The following CHRAC1 variants were observed in gnomAD, a reference collection of about 807,000 sequenced individuals.
The protein encoded by CHRAC1 is chromatin accessibility complex subunit 1.
A neutral mutation model predicts 9.1 loss-of-function variants in CHRAC1; 6 were observed. That is an observed-to-expected ratio of 0.66 (90% CI 0.36 to 1.29). The LOEUF is 1.29. CHRAC1 is among the 50% of genes most tolerant of loss of function. CHRAC1 has a pLI of 0.03. For missense variants in CHRAC1, 168 were observed against 163.5 expected, an observed-to-expected ratio of 1.03 and a Z score of -0.15; for synonymous variants, 73 against 64.5, an observed-to-expected ratio of 1.13 and a Z score of -0.63.
intron 1 of CHRAC1, among the ~76,000 whole-genome samples, chr8:140,512,717 G>T (rs1296952254): frequency 6.6e-6 from 1 of 152,176 alleles, no homozygotes; most frequent in Non-Finnish European, 1.5e-5. Flanking sequence ...TTTTCCTAGA[G>T]CCCAGGGAAA....
chr8:140,513,369 A>G (rs533266158), intron 1 of CHRAC1, among the ~76,000 whole-genome samples: 6 of 152,380 alleles, frequency 3.9e-5, no homozygotes, highest in South Asian at 2.1e-4. Flanking sequence ...AGTGTATGCA[A>G]ATAGAAGACT....
At chr8:140,512,139 G>T in intron 1 of CHRAC1, 1 of 652,442 alleles carries the variant, frequency 1.5e-6, no homozygotes, top group Non-Finnish European at 2.3e-6. Context: ...GGCGCCTAGT[G>T]GCGCTCTTCT....
chr8:140,512,504 G>C (rs981753910), intron 1 of CHRAC1, among the ~76,000 whole-genome samples: 1 of 152,164 alleles, frequency 6.6e-6, no homozygotes, highest in Admixed American at 6.5e-5. Flanking sequence ...AAAAAATTGC[G>C]TCTCGATAGT....
chr8:140,511,726 C>T (rs2072277356), intron 1 of CHRAC1, 80 bp downstream of exon 1: 13 of 1,216,844 alleles, frequency 1.1e-5, no homozygotes, highest in East Asian at 6.6e-5. Context: ...TGCCCAGTCC[C>T]CTTAGGCCCG....
At position 140,511,475 on chromosome 8, in the gene CHRAC1, G is replaced by A. The variant is rs1245990144; in HGVS notation, c.-25G>A. The A allele has an allele frequency of 1.5e-6, 2 of 1,309,532 alleles. No homozygotes were observed. Among genetic ancestry groups the A allele is most frequent in the South Asian group, 2.1e-5 (1 of 46,560 alleles). 81.1% of individuals were successfully genotyped at this position (1,309,532 alleles called of 1,614,324 possible). On this transcript the variant is annotated 5_prime_UTR_variant, in exon 1 of 3. Coordinates refer to ENST00000220913, the MANE Select transcript of CHRAC1 (RefSeq NM_017444.6). The stretch of plus-strand genomic sequence containing the variant: ...CTTCGCGGTCGGGCCCGCCGGCTGC[G>A]GGCACCCGCGCGACGGGCGGGAAGA...
chr8:140,512,975 C>T (rs1312909439), intron 1 of CHRAC1, among the ~76,000 whole-genome samples: 3 of 152,134 alleles, frequency 2.0e-5, no homozygotes, highest in Admixed American at 1.3e-4. Flanking sequence ...TGCCATCACA[C>T]TCGGCTAATT....
chr8:140,513,131 T>C (rs1177638465), intron 1 of CHRAC1, among the ~76,000 whole-genome samples: 1 of 152,154 alleles, frequency 6.6e-6, no homozygotes, highest in African/African-American at 2.4e-5. Flanking sequence ...TCATCCCTTA[T>C]TAACTGAACT....
Position 140,515,381 on chromosome 8 carries a change from A to T in CHRAC1, c.*134A>T. 1 of 951,008 alleles carries T rather than the reference A, an allele frequency of 1.1e-6. No individual in the cohort carries two copies. Among genetic ancestry groups the T allele is most frequent in the Non-Finnish European group, 1.6e-6 (1 of 638,740 alleles). The allele number at this position is 951,008 out of a possible 1,614,324, so 58.9% of individuals were successfully genotyped here. Reference sequence around the variant, plus strand: ...AGTTCCAGTGTGTGGTATTCTTTCGAGGTATTCTTTCCAGGCCGAGATTGA... The same window carrying T: ...AGTTCCAGTGTGTGGTATTCTTTCGTGGTATTCTTTCCAGGCCGAGATTGA... On this transcript the variant is annotated 3_prime_UTR_variant, in exon 3 of 3. Coordinates refer to ENST00000220913, the MANE Select transcript of CHRAC1 (RefSeq NM_017444.6).
At chr8:140,512,708 T>TTTCC (rs1348669714) in intron 1 of CHRAC1, among the ~76,000 whole-genome samples, 1 of 152,242 alleles carries the variant, frequency 6.6e-6, no homozygotes, top group African/African-American at 2.4e-5. Context: ...AGAGCCATGT[T>TTTCC]TTCCTAGAGC....
Position 140,515,263 on chromosome 8 carries a change from A to G in CHRAC1, c.*16A>G. 1 of 1,613,004 alleles carries G rather than the reference A, an allele frequency of 6.2e-7. No individual in the cohort carries two copies. On this transcript the variant is annotated 3_prime_UTR_variant, in exon 3 of 3. Transcript: ENST00000220913. ...TGACTCCTAAACCAAAAGTGCTTTA[A>G]AAACCAGCCTGGCGAGGACAGCCCT... is the stretch of plus-strand genomic sequence containing the variant.
intron 1 of CHRAC1, chr8:140,512,111 GC>G: frequency 9.5e-7 from 1 of 1,047,622 alleles, no homozygotes; most frequent in Non-Finnish European, 1.3e-6. Context: ...TCAGTTTCCG[GC>G]CCTACCCGTG....
In CHRAC1 at chr8:140,516,144, T is replaced by C. The variant is rs1237186701; in HGVS notation, c.*897T>C. On this transcript the variant is annotated 3_prime_UTR_variant, in exon 3 of 3. Transcript: ENST00000220913. ...AAATGTTTGGCTCCTCTCATTTCAT[T>C]ATCTTTTTTTTTTTTTTTTTAAAGA... 7.9e-6 allele frequency: 1 copy of C among 126,362 alleles called. No individual in the cohort carries two copies. Among genetic ancestry groups the C allele is most frequent in the Middle Eastern group, 4.4e-3 (1 of 226 alleles). The allele number at this position is 126,362 out of a possible 1,614,324, so 7.8% of individuals were successfully genotyped here. A position where few individuals can be genotyped will look rare whatever the true frequency, so the allele number is the denominator to read the frequency against.
At position 140,511,371 on chromosome 8, in the gene CHRAC1, T is replaced by A; in HGVS notation, c.-129T>A. The A allele has an allele frequency of 2.4e-6, 2 of 842,428 alleles. No homozygotes were observed. The highest frequency in any genetic ancestry group is 3.2e-6 in the Non-Finnish European group (2 of 626,118). The allele number at this position is 842,428 out of a possible 1,614,324, so 52.2% of individuals were successfully genotyped here. A position where few individuals can be genotyped will look rare whatever the true frequency, so the allele number is the denominator to read the frequency against. ...ACGGGCCGCTCCCGGCCTCGCGGCC[T>A]CGCCTCCCCACACTACAACTCCCAC... On this transcript the variant is annotated 5_prime_UTR_variant, in exon 1 of 3. Coordinates refer to ENST00000220913, the MANE Select transcript of CHRAC1 (RefSeq NM_017444.6).
At chr8:140,514,224 A>C in intron 1 of CHRAC1, 145 bp from the exon 2 acceptor site, 1 of 897,214 alleles carries the variant, frequency 1.1e-6, no homozygotes, top group South Asian at 1.9e-5. Context: ...GATTTCTTGT[A>C]ATTTAATTTG....
rs1271467439 is a variant in CHRAC1, at chr8:140,516,202, C to A, written c.*955C>A. 3 of 149,010 alleles carry A rather than the reference C, an allele frequency of 2.0e-5. No homozygotes were observed. Among genetic ancestry groups the A allele is most frequent in the African/African-American group, 7.5e-5 (3 of 40,216 alleles). The allele number at this position is 149,010 out of a possible 1,614,324, so 9.2% of individuals were successfully genotyped here. ...TCACTCAGTTGCCCAGGCTGGATTG[C>A]GGTGGCGCTGTCTCAGCTCACTGCA... is the stretch of plus-strand genomic sequence containing the variant. On this transcript the variant is annotated 3_prime_UTR_variant, in exon 3 of 3. Transcript: ENST00000220913.
rs1289314314 is a variant in CHRAC1 at position 140,515,988 on chromosome 8, AT to A, written c.*745del. On this transcript the variant is annotated 3_prime_UTR_variant, in exon 3 of 3. Transcript: ENST00000220913. Reference sequence around the variant, plus strand: ...TATAAGCATGTTGTACTAAAAAAAAATTTTGAAACATTTTGTATATTGGAGA... The same window carrying A: ...TATAAGCATGTTGTACTAAAAAAAAATTTGAAACATTTTGTATATTGGAGA... 2 of 152,168 alleles carry A rather than the reference AT, an allele frequency of 1.3e-5. No individual in the cohort carries two copies. Among genetic ancestry groups the A allele is most frequent in the Admixed American group, 1.3e-4 (2 of 15,282 alleles). The allele number at this position is 152,168 out of a possible 1,614,324, so 9.4% of individuals were successfully genotyped here.
At chr8:140,514,129 C>T (rs1485388727) in intron 1 of CHRAC1, among the ~76,000 whole-genome samples, 1 of 152,020 alleles carries the variant, frequency 6.6e-6, no homozygotes, top group Non-Finnish European at 1.5e-5. Flanking sequence ...TGGTCTCAAA[C>T]TCCTGACCTC....
Position 140,515,380 on chromosome 8 carries a change from G to A in CHRAC1, c.*133G>A, listed in dbSNP as rs553919086. Reference sequence around the variant, plus strand: ...GAGTTCCAGTGTGTGGTATTCTTTCGAGGTATTCTTTCCAGGCCGAGATTG... The same window carrying A: ...GAGTTCCAGTGTGTGGTATTCTTTCAAGGTATTCTTTCCAGGCCGAGATTG... On this transcript the variant is annotated 3_prime_UTR_variant, in exon 3 of 3. Transcript: ENST00000220913. 131 of 951,658 alleles carry A rather than the reference G, an allele frequency of 1.4e-4. 1 individual carries two copies. The African/African-American group carries it at 1.4e-3, about 10-fold the overall frequency. 59.0% of individuals were successfully genotyped at this position (951,658 alleles called of 1,614,324 possible).
chr8:140,515,408 C>T lies in CHRAC1; in HGVS notation c.*161C>T. The T allele has an allele frequency of 1.4e-6, 1 of 730,366 alleles. No individual in the cohort carries two copies. Among genetic ancestry groups the T allele is most frequent in the Non-Finnish European group, 2.2e-6 (1 of 457,976 alleles). 45.2% of individuals were successfully genotyped at this position (730,366 alleles called of 1,614,324 possible). ...GTATTCTTTCCAGGCCGAGATTGAGCACCTCATGTACCTACGCCACAGACA... is the reference window on the plus strand; with the variant it reads ...GTATTCTTTCCAGGCCGAGATTGAGTACCTCATGTACCTACGCCACAGACA... On this transcript the variant is annotated 3_prime_UTR_variant, in exon 3 of 3. Coordinates refer to ENST00000220913, the MANE Select transcript of CHRAC1 (RefSeq NM_017444.6).
Sources: allele counts gnomAD v4.1 joint callset (sites outside exome capture counted in the v4.1 genomes callset), GRCh38; gene constraint gnomAD v4.1.1; transcripts MANE v1.5; gene names NCBI Gene and HGNC (gene_info 2026-07-23, HGNC 2026-07-21).